SMOC1: variants seen among roughly 807,000 people sequenced by gnomAD.
SMOC1 encodes SPARC-related modular calcium-binding protein 1.
SMOC1 carries 22 observed loss-of-function variants against 56.3 expected under a neutral mutation model. That is an observed-to-expected ratio of 0.39 (90% CI 0.28 to 0.56). The LOEUF (loss-of-function observed/expected upper bound fraction) is 0.56, where lower values mean the gene tolerates loss of function less well. Among genes scored for constraint, SMOC1 ranks in the 20% least tolerant of loss-of-function variants. The pLI, the probability that SMOC1 is intolerant of heterozygous loss-of-function variation, is 0.61. For synonymous variants in SMOC1, 193 were observed against 215.0 expected (o/e 0.90, Z 0.89); for missense variants, 509 against 565.4 (o/e 0.90, Z 1.01).
intron 7 of SMOC1, among the ~76,000 whole-genome samples, chr14:70,009,801 A>C (rs1458072442): frequency 6.6e-6 from 1 of 152,232 alleles, no homozygotes; most frequent in African/African-American, 2.4e-5. Context: ...TGGCAGGATT[A>C]TAGGTTTTTC....
At chr14:69,946,746 C>A (rs1432573218) in intron 1 of SMOC1, among the ~76,000 whole-genome samples, 2 of 152,188 alleles carry the variant, frequency 1.3e-5, no homozygotes, top group African/African-American at 2.4e-5. Context: ...GGAAATTTGT[C>A]CCCACCCAAA....
chr14:70,014,235 C>T (rs1478564358), intron 10 of SMOC1, among the ~76,000 whole-genome samples: 6 of 152,152 alleles, frequency 3.9e-5, no homozygotes, highest in Admixed American at 3.9e-4. Flanking sequence ...AGCGGGGATA[C>T]TAGACCATAG....
Position 70,010,828 on chromosome 14 carries a change from G to A in SMOC1, c.739G>A (p.Val247Ile). Reference protein sequence around the residue: ...EAQQNPREGIVIPECAPGGLY... With the variant: ...EAQQNPREGIIIPECAPGGLY... ...CCAGCAGAATCCCCGTGAGGGTATT[G>A]TCATCCCTGAATGTGCCCCTGGGGG... Residue 247 changes from valine (V) to isoleucine (I), a missense_variant, in exon 8 of 12, where the codon GTC (valine) becomes ATC (isoleucine). By Grantham distance (29) the Val-to-Ile change is conservative. Around this residue, in one of 3 missense-constraint regions of SMOC1, gnomAD observed 315 missense variants for 333.1 expected, o/e 0.95. Transcript: ENST00000361956. The A allele has an allele frequency of 6.2e-7, 1 of 1,614,228 alleles. No individual in the cohort carries two copies. Among genetic ancestry groups the A allele is most frequent in the Non-Finnish European group, 8.5e-7 (1 of 1,180,030 alleles).
rs138197091 is a variant in SMOC1, at chr14:69,941,658, C to T, written c.100-10480C>T. On this transcript the variant is annotated intron_variant, in intron 1 of 11. Transcript: ENST00000361956. Reference sequence around the variant, plus strand: ...TTCAGTTTTTTAACAAAACAAAACACCAAAGACAGCTGGGAATTTTTAGGA... The same window carrying T: ...TTCAGTTTTTTAACAAAACAAAACATCAAAGACAGCTGGGAATTTTTAGGA... 2.8e-3 allele frequency among the ~76,000 whole-genome samples: 420 copies of T among 152,290 alleles called. 2 individuals carry two copies. The highest frequency in any genetic ancestry group is 9.7e-3 in the African/African-American group (402 of 41,564).
At chr14:70,020,881 G>A (rs761259171) in intron 10 of SMOC1, among the ~76,000 whole-genome samples, 36 of 152,312 alleles carry the variant, frequency 2.4e-4, no homozygotes, top group Admixed American at 1.0e-3. Context: ...CTGCAAAATA[G>A]CCCAAAGGAG....
intron 1 of SMOC1, among the ~76,000 whole-genome samples, chr14:69,900,344 C>T (rs1300511246): frequency 6.6e-6 from 1 of 152,170 alleles, no homozygotes; most frequent in East Asian, 1.9e-4. Flanking sequence ...TTCTGCTATT[C>T]AAATCAACAC....
intron 1 of SMOC1, among the ~76,000 whole-genome samples, chr14:69,934,831 T>C (rs955102800): frequency 3.9e-5 from 6 of 152,230 alleles, no homozygotes; most frequent in Non-Finnish European, 8.8e-5. Context: ...GGTCTGGGTT[T>C]GAATTCTGAT....
chr14:69,895,438 G>C (rs1884069686), intron 1 of SMOC1, among the ~76,000 whole-genome samples: 1 of 152,158 alleles, frequency 6.6e-6, no homozygotes, highest in Non-Finnish European at 1.5e-5. Flanking sequence ...CCAACTGAAT[G>C]GCAAATGCTC....
intron 3 of SMOC1, among the ~76,000 whole-genome samples, chr14:69,961,358 G>C (rs1035657928): frequency 7.3e-6 from 1 of 137,262 alleles, no homozygotes; most frequent in Non-Finnish European, 1.5e-5. Context: ...ATGGACATTT[G>C]GGTTGTTTCT....
intron 3 of SMOC1, among the ~76,000 whole-genome samples, chr14:69,961,272 G>GTGTATATATATATATATA (rs1447169812): frequency 1.3e-5 from 1 of 74,968 alleles, no homozygotes; most frequent in African/African-American, 6.1e-5. Flanking sequence ...ATTCTATTGT[G>GTGTATATATATATATATA]TATATATATA....
At chr14:69,959,709 T>C (rs1046312837) in intron 3 of SMOC1, among the ~76,000 whole-genome samples, 1 of 152,140 alleles carries the variant, frequency 6.6e-6, no homozygotes, top group African/African-American at 2.4e-5. Context: ...CATATAGGGA[T>C]CTATATGCAT....
At chr14:69,925,244 G>T (rs1474675020) in intron 1 of SMOC1, among the ~76,000 whole-genome samples, 1 of 141,338 alleles carries the variant, frequency 7.1e-6, no homozygotes, top group Non-Finnish European at 1.6e-5. Flanking sequence ...AGGGGAAGCA[G>T]GGGAGGAGGG....
chr14:69,943,791 G>A (rs988177656), intron 1 of SMOC1, among the ~76,000 whole-genome samples: 1 of 152,178 alleles, frequency 6.6e-6, no homozygotes, highest in Non-Finnish European at 1.5e-5. Context: ...CCCCTCTCTT[G>A]GGAGAGCTCT....
intron 1 of SMOC1, among the ~76,000 whole-genome samples, chr14:69,898,615 A>G (rs926847901): frequency 1.3e-5 from 2 of 151,546 alleles, no homozygotes; most frequent in African/African-American, 4.9e-5. Context: ...AGTGTTTTTG[A>G]TCTCTTGCGT....
chr14:69,882,885 GT>G (rs1883682764), intron 1 of SMOC1, among the ~76,000 whole-genome samples: 1 of 152,208 alleles, frequency 6.6e-6, no homozygotes, highest in Non-Finnish European at 1.5e-5. Context: ...CAGATAATGT[GT>G]GTTTGAGAGT....
intron 3 of SMOC1, among the ~76,000 whole-genome samples, chr14:69,954,958 G>A (rs1258156179): frequency 6.6e-6 from 1 of 152,150 alleles, no homozygotes; most frequent in Non-Finnish European, 1.5e-5. Context: ...TTGAGGATTG[G>A]ATATCAGCAT....
intron 5 of SMOC1, among the ~76,000 whole-genome samples, chr14:69,990,980 G>C (rs1324991872): frequency 6.6e-6 from 1 of 152,244 alleles, no homozygotes; most frequent in South Asian, 2.1e-4. Flanking sequence ...AGGGTGAGAT[G>C]TTGATGCAAA....
chr14:69,885,683 T>C (rs2139289671), intron 1 of SMOC1: 1 of 1,447,930 alleles, frequency 6.9e-7, no homozygotes, highest in East Asian at 2.3e-5. Flanking sequence ...CACCACCAGC[T>C]GAGCTTTCTT....
chr14:69,892,950 ATTGG>A (rs761716452), intron 1 of SMOC1, among the ~76,000 whole-genome samples: 32 of 152,178 alleles, frequency 2.1e-4, no homozygotes, highest in Non-Finnish European at 4.6e-4. Context: ...ACATATTGCA[ATTGG>A]TTGATTTGTC....
Sources: gnomAD v4.1 joint callset for allele counts (sites outside exome capture counted in the v4.1 genomes callset) on GRCh38, gnomAD v4.1.1 for gene constraint, gnomAD v4.1.1 regional missense constraint, MANE v1.5 for transcripts, NCBI Gene and HGNC (gene_info 2026-07-23, HGNC 2026-07-21) for gene names.